The following NCAM2 variants were observed in gnomAD, a reference collection of about 807,000 sequenced individuals.
NCAM2 encodes the protein N-CAM-2.
A neutral mutation model predicts 98.1 loss-of-function variants in NCAM2; 30 were observed. The ratio of observed to expected loss-of-function variants is 0.31; its 90% confidence interval spans 0.23 to 0.41. The LOEUF is 0.41. Ranked by LOEUF, NCAM2 falls within the 10% of genes least tolerant of loss-of-function variation. The probability of loss-of-function intolerance (pLI) is 1.00; values close to 1 mark genes in which losing one functional copy is unlikely to be tolerated. For synonymous variants in NCAM2, 368 were observed against 342.4 expected, an observed-to-expected ratio of 1.07 and a Z score of -0.83; for missense variants, 867 against 1,005.8, an observed-to-expected ratio of 0.86 and a Z score of 1.87.
At chr21:21,006,466 A>G (rs1260652009) in intron 1 of NCAM2, among the ~76,000 whole-genome samples, 1 of 152,150 alleles carries the variant, frequency 6.6e-6, no homozygotes, top group Non-Finnish European at 1.5e-5. Flanking sequence ...CAGAGATAGC[A>G]TCACTGCACT....
intron 1 of NCAM2, among the ~76,000 whole-genome samples, chr21:21,132,064 A>G (rs2066947144): frequency 6.6e-6 from 1 of 152,196 alleles, no homozygotes; most frequent in Non-Finnish European, 1.5e-5. Flanking sequence ...GAGGTGAAGA[A>G]TCCTTTTCCT....
chr21:21,404,511 C>T (rs1433600780), intron 9 of NCAM2, among the ~76,000 whole-genome samples: 2 of 152,076 alleles, frequency 1.3e-5, no homozygotes, highest in East Asian at 3.9e-4. Flanking sequence ...TGTGAGGCCT[C>T]AACAGCCAAG....
At chr21:21,390,384 A>G (rs546749199) in intron 9 of NCAM2, among the ~76,000 whole-genome samples, 64 of 152,218 alleles carry the variant, frequency 4.2e-4, no homozygotes, top group South Asian at 2.9e-3. Flanking sequence ...GCCACTGGAG[A>G]GTTCTGATCG....
chr21:21,490,233 AT>A (rs760011001), intron 15 of NCAM2, among the ~76,000 whole-genome samples: 7 of 149,668 alleles, frequency 4.7e-5, no homozygotes, highest in Non-Finnish European at 7.4e-5. Flanking sequence ...AAAAAAAACA[AT>A]ATCCAAGAAA....
chr21:21,504,337 A>G (rs1423143395), intron 15 of NCAM2, among the ~76,000 whole-genome samples: 21 of 151,942 alleles, frequency 1.4e-4, no homozygotes. Flanking sequence ...TTACCATAAA[A>G]TTTACACCAT....
intron 6 of NCAM2, among the ~76,000 whole-genome samples, chr21:21,327,541 G>A (rs13052779): frequency 9.9e-4 from 151 of 152,126 alleles, no homozygotes; most frequent in Middle Eastern, 6.8e-3. Context: ...TATAGAAACC[G>A]AAAGTAGATA....
rs182661700 is a variant in NCAM2, at chr21:21,135,016, C to T, written c.55+136398C>T. 9.4e-3 allele frequency among the ~76,000 whole-genome samples: 1,371 copies of T among 146,222 alleles called. 14 individuals carry two copies. The highest frequency in any genetic ancestry group is 0.015 in the Non-Finnish European group (1,017 of 66,954). ...TTGGGAGGCCGAGGCGGGCAGATCA[C>T]GAGGTCAGGAGATCAAGACCAATCC... On this transcript the variant is annotated intron_variant, in intron 1 of 17. Transcript: ENST00000400546.
At chr21:21,450,258 T>C (rs918345793) in intron 12 of NCAM2, among the ~76,000 whole-genome samples, 3 of 151,972 alleles carry the variant, frequency 2.0e-5, no homozygotes, top group Non-Finnish European at 4.4e-5. Context: ...TATGTATGTA[T>C]GTGTGTATAT....
At chr21:21,522,131 A>C (rs978493956) in intron 16 of NCAM2, among the ~76,000 whole-genome samples, 1 of 148,056 alleles carries the variant, frequency 6.8e-6, no homozygotes. Context: ...ATTTATATAT[A>C]AATATGAATA....
chr21:21,457,099 C>T (rs1041422566), intron 12 of NCAM2, among the ~76,000 whole-genome samples: 1 of 152,144 alleles, frequency 6.6e-6, no homozygotes, highest in Non-Finnish European at 1.5e-5. Flanking sequence ...TGGCTAGAAG[C>T]TGTAAGAGTT....
intron 1 of NCAM2, among the ~76,000 whole-genome samples, chr21:21,038,824 C>A (rs1342535241): frequency 2.0e-5 from 3 of 152,112 alleles, no homozygotes; most frequent in Non-Finnish European, 1.5e-5. Context: ...GTTTGTGATC[C>A]CCAGGTTTCA....
At chr21:21,286,239 TTTGTG>T (rs1568885479) in intron 3 of NCAM2, 25 bp from the exon 4 acceptor site, 4 of 1,549,656 alleles carry the variant, frequency 2.6e-6, no homozygotes, top group Non-Finnish European at 3.5e-6. Flanking sequence ...TGATTTGTGA[TTTGTG>T]ATTTGTTTTA....
chr21:21,295,482 G>T (rs1457132818), intron 5 of NCAM2, among the ~76,000 whole-genome samples: 1 of 151,850 alleles, frequency 6.6e-6, no homozygotes, highest in Admixed American at 6.6e-5. Context: ...TCCAAAGGAA[G>T]GATTATGCAT....
At chr21:21,065,095 G>A (rs1255856743) in intron 1 of NCAM2, among the ~76,000 whole-genome samples, 1 of 151,876 alleles carries the variant, frequency 6.6e-6, no homozygotes, top group Non-Finnish European at 1.5e-5. Context: ...CAGGAGAATC[G>A]CTTGAACCGG....
At chr21:21,229,612 T>C (rs1258530140) in intron 1 of NCAM2, among the ~76,000 whole-genome samples, 1 of 151,458 alleles carries the variant, frequency 6.6e-6, no homozygotes, top group Non-Finnish European at 1.5e-5. Context: ...GTGGTACATA[T>C]GGCAATTGCA....
intron 14 of NCAM2, among the ~76,000 whole-genome samples, chr21:21,476,561 A>G (rs1392829879): frequency 6.6e-6 from 1 of 152,104 alleles, no homozygotes; most frequent in Non-Finnish European, 1.5e-5. Context: ...TTATAATTGT[A>G]TCAATTTATA....
intron 6 of NCAM2, among the ~76,000 whole-genome samples, chr21:21,331,578 T>TATATATATATATATAGAG (rs1444969281): frequency 4.7e-4 from 1 of 2,148 alleles, no homozygotes; most frequent in African/African-American, 7.5e-4. Context: ...CATATATATA[T>TATATATATATATATAGAG]AGAGAGAGAG....
At chr21:21,210,537 T>G in intron 1 of NCAM2, 1 of 1,286,324 alleles carries the variant, frequency 7.8e-7, no homozygotes, top group Non-Finnish European at 1.0e-6. Flanking sequence ...ATTTCTTCTT[T>G]CAGAGTTATT....
intron 13 of NCAM2, among the ~76,000 whole-genome samples, chr21:21,467,654 T>A (rs1983892656): frequency 6.6e-6 from 1 of 151,676 alleles, no homozygotes; most frequent in South Asian, 2.1e-4. Flanking sequence ...AAGACCAGCC[T>A]GGGTGATATA....
Sources: allele counts gnomAD v4.1 joint callset (sites outside exome capture counted in the v4.1 genomes callset), GRCh38; gene constraint gnomAD v4.1.1; transcripts MANE v1.5; gene names NCBI Gene and HGNC (gene_info 2026-07-23, HGNC 2026-07-21).